Variants in SPATA18 observed in about 807,000 individuals in gnomAD.
SPATA18 encodes the protein spermatogenesis associated 18.
A neutral mutation model predicts 68.1 loss-of-function variants in SPATA18; 54 were observed. That is an observed-to-expected ratio of 0.79 (90% confidence interval 0.64 to 0.99). SPATA18 has a LOEUF of 0.99. Ranked by LOEUF, SPATA18 falls within the 50% of genes least tolerant of loss-of-function variation. SPATA18 has a pLI of 0.00. For missense variants in SPATA18, 724 were observed against 681.1 expected (o/e 1.06, Z -0.70); for synonymous variants, 242 against 244.8 (o/e 0.99, Z 0.11).
intron 1 of SPATA18, among the ~76,000 whole-genome samples, chr4:52,053,634 T>C (rs567144251): frequency 3.3e-5 from 5 of 152,346 alleles, no homozygotes; most frequent in African/African-American, 1.2e-4. Context: ...AAATGGAATT[T>C]AGCCTCTCCC....
At chr4:52,056,663 G>C (rs969233825) in intron 1 of SPATA18, among the ~76,000 whole-genome samples, 4 of 151,982 alleles carry the variant, frequency 2.6e-5, no homozygotes, top group African/African-American at 9.7e-5. Flanking sequence ...ACCTTTACTG[G>C]CACAGGTGTA....
chr4:52,063,825 G>C (rs1739091418), intron 4 of SPATA18, among the ~76,000 whole-genome samples: 1 of 152,094 alleles, frequency 6.6e-6, no homozygotes, highest in Non-Finnish European at 1.5e-5. Flanking sequence ...GATGGGTCCT[G>C]AGTTGTGCAT....
At position 52,062,316 on chromosome 4, in the gene SPATA18, A is replaced by C. The variant is rs1260263174; in HGVS notation, c.406A>C (p.Asn136His). ...SNLNSTRSQC[N>H]QVQDDLVETE... ...TTTGAACTCAACCCGGAGTCAATGCAACCAGGTTCAAGACGAGTAAGAGGA... is the reference window on the plus strand; with the variant it reads ...TTTGAACTCAACCCGGAGTCAATGCCACCAGGTTCAAGACGAGTAAGAGGA... Residue 136 changes from asparagine (N) to histidine (H), a missense_variant, in exon 4 of 13, where the codon AAC (asparagine) becomes CAC (histidine). Transcript: ENST00000295213. 6.2e-7 allele frequency: 1 copy of C among 1,608,814 alleles called. No homozygotes were observed. Among genetic ancestry groups the C allele is most frequent in the Non-Finnish European group, 8.5e-7 (1 of 1,176,418 alleles).
At chr4:52,064,542 C>T (rs1038244027) in intron 4 of SPATA18, among the ~76,000 whole-genome samples, 1 of 152,150 alleles carries the variant, frequency 6.6e-6, no homozygotes, top group Non-Finnish European at 1.5e-5. Flanking sequence ...GTTTTCCATT[C>T]CTGAGTTACT....
intron 11 of SPATA18, among the ~76,000 whole-genome samples, chr4:52,087,533 T>C (rs972375302): frequency 6.6e-6 from 1 of 152,206 alleles, no homozygotes; most frequent in African/African-American, 2.4e-5. Context: ...AAATCTTTTT[T>C]CCCCTTTGCT....
At chr4:52,054,516 G>A (rs1463524985) in intron 1 of SPATA18, among the ~76,000 whole-genome samples, 1 of 152,142 alleles carries the variant, frequency 6.6e-6, no homozygotes, top group Non-Finnish European at 1.5e-5. Flanking sequence ...TATTCACGAA[G>A]GGGGAACGCT....
At chr4:52,083,445 T>C (rs1741127596) in intron 10 of SPATA18, 1 of 985,342 alleles carries the variant, frequency 1.0e-6, no homozygotes, top group Admixed American at 6.1e-5. Flanking sequence ...TAAAATGTTT[T>C]GTTCCATAAA....
At chr4:52,065,999 C>T (rs1458613327) in intron 4 of SPATA18, among the ~76,000 whole-genome samples, 1 of 152,152 alleles carries the variant, frequency 6.6e-6, no homozygotes, top group Non-Finnish European at 1.5e-5. Context: ...ATTCCGCCAC[C>T]CCTGCCCTGG....
intron 6 of SPATA18, among the ~76,000 whole-genome samples, chr4:52,073,976 T>C (rs1039314183): frequency 1.3e-5 from 2 of 152,232 alleles, no homozygotes; most frequent in African/African-American, 2.4e-5. Context: ...CTAGCAACGA[T>C]AGACTTGCAC....
chr4:52,087,387 T>G (rs981219846), intron 11 of SPATA18, among the ~76,000 whole-genome samples: 1 of 152,220 alleles, frequency 6.6e-6, no homozygotes. Flanking sequence ...TTCTAGGATT[T>G]TTATGGTCCT....
At chr4:52,077,498 T>C (rs1740495918) in intron 7 of SPATA18, among the ~76,000 whole-genome samples, 1 of 151,762 alleles carries the variant, frequency 6.6e-6, no homozygotes, top group Non-Finnish European at 1.5e-5. Context: ...ACTATTCATA[T>C]ATATATGAAT....
intron 4 of SPATA18, among the ~76,000 whole-genome samples, chr4:52,065,746 A>C (rs1043074183): frequency 6.6e-6 from 1 of 152,178 alleles, no homozygotes; most frequent in Non-Finnish European, 1.5e-5. Flanking sequence ...GAGGTTCCCT[A>C]TGTCTAACCT....
chr4:52,065,236 GA>G (rs1334347990), intron 4 of SPATA18, among the ~76,000 whole-genome samples: 2 of 152,070 alleles, frequency 1.3e-5, no homozygotes, highest in Non-Finnish European at 2.9e-5. Flanking sequence ...TTACTCCGCT[GA>G]GCAGAAGTTT....
chr4:52,055,737 T>C (rs1426710647), intron 1 of SPATA18, among the ~76,000 whole-genome samples: 1 of 152,166 alleles, frequency 6.6e-6, no homozygotes, highest in Non-Finnish European at 1.5e-5. Flanking sequence ...CCCACAAAGC[T>C]CCTCAGGCAA....
At chr4:52,069,491 G>C (rs945330946) in intron 4 of SPATA18, among the ~76,000 whole-genome samples, 1 of 152,168 alleles carries the variant, frequency 6.6e-6, no homozygotes, top group Non-Finnish European at 1.5e-5. Context: ...GGGCTTTGAT[G>C]TAATTAGAGC....
At position 52,079,708 on chromosome 4, in the gene SPATA18, G is replaced by C. The variant is rs370698365; in HGVS notation, c.1180-36G>C. ...GGATGTCAGAGTGTTTTTGTCACAG[G>C]CTGGTAACAAAGTGATGCCATCTTT... On this transcript the variant is annotated intron_variant, in intron 8 of 12. Transcript: ENST00000295213. 5.2e-5 allele frequency: 84 copies of C among 1,605,910 alleles called. No individual in the cohort carries two copies. In the African/African-American group the frequency reaches 1.1e-3, roughly 21 times the overall value.
rs1017387353 is a variant in SPATA18, at chr4:52,096,286, T to C, written c.*1399T>C. 1 of 152,098 alleles carries C rather than the reference T, an allele frequency of 6.6e-6. No individual in the cohort carries two copies. Among genetic ancestry groups the C allele is most frequent in the African/African-American group, 2.4e-5 (1 of 41,428 alleles). 9.4% of individuals were successfully genotyped at this position (152,098 alleles called of 1,614,324 possible). ...AAGGAGCACTATCTGCCTAGGTAACTGCTAGTCATGACTTGGTCATCAGCT... is the reference window on the plus strand; with the variant it reads ...AAGGAGCACTATCTGCCTAGGTAACCGCTAGTCATGACTTGGTCATCAGCT... On this transcript the variant is annotated 3_prime_UTR_variant, in exon 13 of 13. Coordinates refer to ENST00000295213, the MANE Select transcript of SPATA18 (RefSeq NM_145263.4).
chr4:52,070,897 T>TACAC (rs775702782), intron 5 of SPATA18, among the ~76,000 whole-genome samples: 3 of 150,960 alleles, frequency 2.0e-5, no homozygotes, highest in South Asian at 2.1e-4. Context: ...GGGGGTGTTT[T>TACAC]ACACACACAC....
chr4:52,078,630 G>T, intron 7 of SPATA18, 105 bp from the exon 8 acceptor site: 2 of 1,033,898 alleles, frequency 1.9e-6, no homozygotes, highest in Non-Finnish European at 2.7e-6. Context: ...TTAGTTATCA[G>T]AAGACCAATA....
Sources: gnomAD v4.1 joint callset for allele counts (sites outside exome capture counted in the v4.1 genomes callset) on GRCh38, gnomAD v4.1.1 for gene constraint, MANE v1.5 for transcripts, NCBI Gene and HGNC (gene_info 2026-07-23, HGNC 2026-07-21) for gene names.